SPATA13: variants seen among roughly 807,000 people sequenced by gnomAD.
The protein encoded by SPATA13 is spermatogenesis-associated protein 13.
SPATA13 carries 50 observed loss-of-function variants against 104.0 expected under a neutral mutation model. The observed-to-expected ratio is 0.48, with a 90% CI of 0.38 to 0.61. SPATA13 has a LOEUF of 0.61. Ranked by LOEUF, SPATA13 falls within the 20% of genes least tolerant of loss-of-function variation. The pLI is 0.00. For synonymous variants in SPATA13, 606 were observed against 667.5 expected, an observed-to-expected ratio of 0.91 and a Z score of 1.42; for missense variants, 1,524 against 1,690.6, an observed-to-expected ratio of 0.90 and a Z score of 1.73.
intron 1 of SPATA13, among the ~76,000 whole-genome samples, chr13:24,212,480 A>T (rs966513295): frequency 3.3e-5 from 5 of 152,144 alleles, no homozygotes; most frequent in Non-Finnish European, 5.9e-5. Flanking sequence ...CAACTGAGGC[A>T]TTGGTTATTG....
intron 4 of SPATA13, among the ~76,000 whole-genome samples, chr13:24,283,313 T>C (rs1194985775): frequency 6.6e-6 from 1 of 152,228 alleles, no homozygotes; most frequent in African/African-American, 2.4e-5. Context: ...TGTATAGCTT[T>C]CTGTCCCCAG....
rs1303161421 is a variant in SPATA13 at position 24,302,957 on chromosome 13, A to T, written c.*184A>T. 4 of 718,996 alleles carry T rather than the reference A, an allele frequency of 5.6e-6. No homozygotes were observed. The highest frequency in any genetic ancestry group is 9.2e-6 in the Non-Finnish European group (4 of 434,328). The allele number at this position is 718,996 out of a possible 1,614,324, so 44.5% of individuals were successfully genotyped here. A position where few individuals can be genotyped will look rare whatever the true frequency, so the allele number is the denominator to read the frequency against. ...TTGGAGACCCAGCTGCCTTTGTGGA[A>T]GGGAGGAGACGGTCATGACACAAAG... On this transcript the variant is annotated 3_prime_UTR_variant, in exon 13 of 13. Transcript: ENST00000382108.
At chr13:24,254,582 C>T (rs1873686314) in intron 4 of SPATA13, 1 of 152,268 alleles carries the variant, frequency 6.6e-6, no homozygotes, top group Admixed American at 6.5e-5. Flanking sequence ...CTAGAGGATC[C>T]ACAGAGTGCA....
intron 8 of SPATA13, among the ~76,000 whole-genome samples, 193 bp from the exon 9 acceptor site, chr13:24,290,459 C>T (rs544996657): frequency 8.8e-4 from 134 of 152,208 alleles, no homozygotes; most frequent in Non-Finnish European, 1.3e-3. Flanking sequence ...CCCTTCTCGC[C>T]GGCCAGATAA....
chr13:24,127,576 G>A (rs1881261763), intron 3 of SPATA13, among the ~76,000 whole-genome samples: 1 of 152,218 alleles, frequency 6.6e-6, no homozygotes, highest in African/African-American at 2.4e-5. Context: ...CAAGAAATGA[G>A]ATGACTGTGA....
intron 2 of SPATA13, among the ~76,000 whole-genome samples, chr13:23,997,552 A>C (rs61945305): frequency 0.77 from 116,747 of 151,914 alleles, 45,061 homozygotes; most frequent in African/African-American, 0.81. Flanking sequence ...TCCATTTTGC[A>C]TTGCTATAGA....
At chr13:24,277,870 A>G (rs1875135603) in intron 4 of SPATA13, among the ~76,000 whole-genome samples, 1 of 152,258 alleles carries the variant, frequency 6.6e-6, no homozygotes, top group South Asian at 2.1e-4. Context: ...ATCAAAGCAT[A>G]GCACAAAGAT....
At chr13:24,071,935 T>G (rs985064768) in intron 3 of SPATA13, among the ~76,000 whole-genome samples, 4 of 152,206 alleles carry the variant, frequency 2.6e-5, no homozygotes, top group Admixed American at 1.3e-4. Flanking sequence ...TAAGAATTTG[T>G]GGCTGGTTAT....
In SPATA13 at chr13:24,011,339, G is replaced by A. The variant is rs139107153; in HGVS notation, c.-146-6328G>A. ...CCGGCCGGCTTGGCCATCTCATGCT[G>A]TCTCACGTTCCGCAGCTGGTCTGGG... On this transcript the variant is annotated intron_variant, in intron 2 of 14. Coordinates refer to the SPATA13 transcript ENST00000424834. The surrounding 1 kb of genome is among the most constrained non-coding windows in gnomAD (Gnocchi z 4.3). Among the ~76,000 whole-genome samples the A allele has an allele frequency of 6.6e-6, 1 of 152,186 alleles. No individual in the cohort carries two copies. Among genetic ancestry groups the A allele is most frequent in the Non-Finnish European group, 1.5e-5 (1 of 68,034 alleles).
intron 1 of SPATA13, among the ~76,000 whole-genome samples, chr13:24,219,777 G>A (rs1240632125): frequency 6.6e-6 from 1 of 152,194 alleles, no homozygotes; most frequent in East Asian, 1.9e-4. Flanking sequence ...AGAATGATGA[G>A]GTATTAGATT....
chr13:24,213,342 C>T (rs1341714170), intron 1 of SPATA13, among the ~76,000 whole-genome samples: 1 of 152,204 alleles, frequency 6.6e-6, no homozygotes, highest in African/African-American at 2.4e-5. Flanking sequence ...TCTTGGCTCA[C>T]TGTAACCTCC....
At chr13:24,211,457 A>G (rs1257511705) in intron 1 of SPATA13, among the ~76,000 whole-genome samples, 2 of 152,102 alleles carry the variant, frequency 1.3e-5, no homozygotes, top group African/African-American at 4.8e-5. Flanking sequence ...AGTTTTTATC[A>G]TGAAAGACTG....
chr13:24,150,518 C>T (rs2138470041), intron 3 of SPATA13, among the ~76,000 whole-genome samples: 1 of 152,288 alleles, frequency 6.6e-6, no homozygotes, highest in African/African-American at 2.4e-5. Flanking sequence ...GAAATAAAAC[C>T]TATAGGAAGT....
At chr13:24,282,197 C>T (rs983115608) in intron 4 of SPATA13, among the ~76,000 whole-genome samples, 2 of 152,064 alleles carry the variant, frequency 1.3e-5, no homozygotes, top group Non-Finnish European at 2.9e-5. Flanking sequence ...GGACGTGTGT[C>T]TGCCGAGCAC....
In SPATA13 at chr13:24,283,815, T is replaced by C. The variant is rs180903996; in HGVS notation, c.2165-320T>C. The stretch of plus-strand genomic sequence containing the variant: ...TCCAGCACATTGCTTGGCAGCATTG[T>C]TATCTATATTTATGTTGTTAATATC... On this transcript the variant is annotated intron_variant, in intron 4 of 12. Transcript: ENST00000382108. Among the ~76,000 whole-genome samples, 31 of 152,364 alleles carry C rather than the reference T, an allele frequency of 2.0e-4. No homozygotes were observed. The East Asian group carries it at 6.0e-3, about 29-fold the overall frequency.
intron 1 of SPATA13, among the ~76,000 whole-genome samples, chr13:24,194,575 G>T (rs1308110746): frequency 6.6e-6 from 1 of 152,134 alleles, no homozygotes; most frequent in Non-Finnish European, 1.5e-5. Context: ...TTGAGGATTT[G>T]GTAGTCAGTG....
chr13:24,284,337 C>G (rs1593497820), intron 5 of SPATA13, 66 bp downstream of exon 5: 2 of 1,521,604 alleles, frequency 1.3e-6, no homozygotes, highest in East Asian at 2.3e-5. Flanking sequence ...ACAACCACTT[C>G]TGACTTTGTT....
chr13:24,038,929 G>A (rs990771724), intron 3 of SPATA13, among the ~76,000 whole-genome samples: 4 of 152,192 alleles, frequency 2.6e-5, no homozygotes, highest in Non-Finnish European at 5.9e-5. Context: ...AGAGAAACCT[G>A]CTCATCCCAG....
intron 1 of SPATA13, among the ~76,000 whole-genome samples, chr13:24,195,386 C>A (rs895049031): frequency 6.6e-6 from 1 of 152,150 alleles, no homozygotes; most frequent in African/African-American, 2.4e-5. Flanking sequence ...CCCCCTTTGA[C>A]CATTATGAAT....
Sources: allele counts gnomAD v4.1 joint callset (sites outside exome capture counted in the v4.1 genomes callset), GRCh38; gene constraint gnomAD v4.1.1; non-coding constraint Gnocchi (gnomAD v3.1); transcripts MANE v1.5; gene names NCBI Gene and HGNC (gene_info 2026-07-23, HGNC 2026-07-21).